ME3: variants seen among roughly 807,000 people sequenced by gnomAD.
The protein encoded by ME3 is NADP-dependent malic enzyme, mitochondrial.
Under a neutral mutation model 68.9 loss-of-function variants are expected in ME3, and 48 were observed. The observed-to-expected ratio is 0.70, with a 90% CI of 0.55 to 0.89. The LOEUF (loss-of-function observed/expected upper bound fraction) is 0.89, where lower values mean the gene tolerates loss of function less well. ME3 is among the 40% of genes least tolerant of loss of function. The probability of loss-of-function intolerance (pLI) is 0.00; values close to 1 mark genes in which losing one functional copy is unlikely to be tolerated. For missense variants in ME3, 675 were observed against 797.4 expected, an observed-to-expected ratio of 0.85 and a Z score of 1.85; for synonymous variants, 320 against 318.8, an observed-to-expected ratio of 1.00 and a Z score of -0.04.
chr11:86,526,438 C>A (rs746512059), intron 4 of ME3, among the ~76,000 whole-genome samples: 1 of 152,190 alleles, frequency 6.6e-6, no homozygotes, highest in African/African-American at 2.4e-5. Flanking sequence ...CTCCACCTCT[C>A]GGGGCAGGGC....
intron 4 of ME3, among the ~76,000 whole-genome samples, chr11:86,513,896 A>T (rs1462493701): frequency 6.6e-6 from 1 of 152,166 alleles, no homozygotes; most frequent in African/African-American, 2.4e-5. Context: ...TCCAGCAGTA[A>T]CTAGTGATGG....
At chr11:86,479,221 C>G (rs1252871881) in intron 7 of ME3, among the ~76,000 whole-genome samples, 2 of 152,146 alleles carry the variant, frequency 1.3e-5, no homozygotes, top group Admixed American at 6.5e-5. Context: ...ACTCCAGGCT[C>G]TTTGGCCTTC....
chr11:86,483,616 G>C (rs1951535311), intron 7 of ME3, among the ~76,000 whole-genome samples: 1 of 152,132 alleles, frequency 6.6e-6, no homozygotes, highest in Admixed American at 6.5e-5. Context: ...GAGCTAAAAA[G>C]TAGATGACTT....
chr11:86,529,665 A>T (rs1955054087), intron 4 of ME3, among the ~76,000 whole-genome samples: 1 of 152,246 alleles, frequency 6.6e-6, no homozygotes, highest in Non-Finnish European at 1.5e-5. Context: ...CACCATGATC[A>T]AGTGGGCTTC....
chr11:86,497,642 A>C (rs1479485853), intron 6 of ME3, among the ~76,000 whole-genome samples: 2 of 152,160 alleles, frequency 1.3e-5, no homozygotes, highest in Non-Finnish European at 2.9e-5. Flanking sequence ...CCTCAAGGGA[A>C]ATAGAAACTG....
chr11:86,553,254 A>G (rs1956781435), intron 4 of ME3, among the ~76,000 whole-genome samples: 1 of 152,238 alleles, frequency 6.6e-6, no homozygotes, highest in South Asian at 2.1e-4. Flanking sequence ...AGCCCCAGGC[A>G]GGTTGGAGTC....
intron 8 of ME3, among the ~76,000 whole-genome samples, chr11:86,456,322 A>G (rs1949921240): frequency 6.6e-6 from 1 of 152,162 alleles, no homozygotes; most frequent in Non-Finnish European, 1.5e-5. Flanking sequence ...GATCCCGCAG[A>G]CACTACACTC....
rs35899335 is a variant in ME3 at position 86,504,380 on chromosome 11, C to CTT, written c.543+4410_543+4411dup. On this transcript the variant is annotated intron_variant, in intron 5 of 14. Coordinates refer to ENST00000543262, the Ensembl canonical transcript of ME3. ...CATCTGAGACACAACCCTATACATT[C>CTT]TTTTTTTTTTTTTTTTTTTTTTTTT... 9.1e-3 allele frequency among the ~76,000 whole-genome samples: 702 copies of CTT among 77,402 alleles called. 106 individuals are homozygous for CTT. The highest frequency in any genetic ancestry group is 0.019 in the African/African-American group (369 of 19,088). The allele number at this position is 77,402 out of a possible 152,430, so 50.8% of individuals were successfully genotyped here.
At chr11:86,581,983 C>T (rs1222819756) in intron 2 of ME3, among the ~76,000 whole-genome samples, 1 of 152,244 alleles carries the variant, frequency 6.6e-6, no homozygotes, top group Admixed American at 6.5e-5. Flanking sequence ...AGTCTTCACT[C>T]CTACTGTTCT....
At chr11:86,475,468 C>A (rs1233514066) in intron 7 of ME3, among the ~76,000 whole-genome samples, 1 of 152,108 alleles carries the variant, frequency 6.6e-6, no homozygotes, top group Non-Finnish European at 1.5e-5. Flanking sequence ...ATTACCCAGT[C>A]TCAGGTATTT....
intron 6 of ME3, among the ~76,000 whole-genome samples, chr11:86,491,713 C>T (rs536471115): frequency 3.8e-4 from 58 of 152,326 alleles, no homozygotes; most frequent in African/African-American, 1.4e-3. Context: ...TGGACTTCTT[C>T]ATAGGTGTTT....
chr11:86,664,881 AGTTAATATCTCTGTGCT>A (rs1946496415), intron 2 of ME3, among the ~76,000 whole-genome samples: 1 of 152,198 alleles, frequency 6.6e-6, no homozygotes, highest in Non-Finnish European at 1.5e-5. Flanking sequence ...GGAGATAAAC[AGTTAATATCTCTGTGCT>A]GTGCTCCTCC....
chr11:86,566,848 C>G (rs1957505956), intron 2 of ME3, among the ~76,000 whole-genome samples: 1 of 152,120 alleles, frequency 6.6e-6, no homozygotes, highest in African/African-American at 2.4e-5. Context: ...AGTACACATC[C>G]TCCCAGGACG....
exon 8 of ME3, chr11:86,465,163 C>T (rs1325965144): frequency 3.1e-6 from 5 of 1,613,588 alleles, no homozygotes; most frequent in East Asian, 2.2e-5. Flanking sequence ...TTGGCATTGG[C>T]GAAGTCTTCA....
At chr11:86,463,155 G>T (rs1950310813) in intron 8 of ME3, among the ~76,000 whole-genome samples, 1 of 152,184 alleles carries the variant, frequency 6.6e-6, no homozygotes, top group Non-Finnish European at 1.5e-5. Flanking sequence ...GCAGGGCCTG[G>T]CCGTGTTCCT....
chr11:86,607,518 C>CA (rs1961873519), intron 2 of ME3, among the ~76,000 whole-genome samples: 4 of 144,692 alleles, frequency 2.8e-5, no homozygotes, highest in African/African-American at 1.0e-4. Flanking sequence ...TGAATATCAT[C>CA]AGAAAAAAGG....
chr11:86,556,614 C>T (rs149576904), exon 4 of ME3: 6 of 1,614,104 alleles, frequency 3.7e-6, no homozygotes, highest in East Asian at 2.2e-5. Flanking sequence ...GGCGTGTACA[C>T]GATTGGCATG....
chr11:86,472,732 A>T (rs1490023878), intron 7 of ME3, among the ~76,000 whole-genome samples: 4 of 152,240 alleles, frequency 2.6e-5, no homozygotes, highest in Non-Finnish European at 5.9e-5. Flanking sequence ...GATAATGTAC[A>T]TAAAAATCCA....
intron 7 of ME3, among the ~76,000 whole-genome samples, chr11:86,470,034 C>G (rs781608899): frequency 6.6e-6 from 1 of 152,110 alleles, no homozygotes; most frequent in Non-Finnish European, 1.5e-5. Flanking sequence ...TCTGAGGTGG[C>G]TGTTCTGCCC....
Sources: allele counts gnomAD v4.1 joint callset (sites outside exome capture counted in the v4.1 genomes callset), GRCh38; gene constraint gnomAD v4.1.1; transcripts MANE v1.5; gene names NCBI Gene and HGNC (gene_info 2026-07-23, HGNC 2026-07-21).